AK5: variants seen among roughly 807,000 people sequenced by gnomAD.
AK5 encodes the protein adenylate kinase 5.
AK5 carries 27 observed loss-of-function variants against 69.5 expected under a neutral mutation model. The ratio of observed to expected loss-of-function variants is 0.39; its 90% confidence interval spans 0.29 to 0.54. AK5 has a LOEUF of 0.54. Among genes scored for constraint, AK5 ranks in the 20% least tolerant of loss-of-function variants. The pLI is 0.71. For missense variants in AK5, 531 were observed against 700.4 expected, an observed-to-expected ratio of 0.76 and a Z score of 2.73; for synonymous variants, 260 against 244.4, an observed-to-expected ratio of 1.06 and a Z score of -0.60.
chr1:77,381,815 G>T (rs1647654661), intron 6 of AK5, among the ~76,000 whole-genome samples: 1 of 152,140 alleles, frequency 6.6e-6, no homozygotes, highest in Admixed American at 6.5e-5. Flanking sequence ...TTATTTAAAA[G>T]TAACTAACAT....
intron 2 of AK5, among the ~76,000 whole-genome samples, chr1:77,289,862 CAAAAAAA>C (rs55819317): frequency 2.3e-4 from 15 of 64,714 alleles, no homozygotes; most frequent in Non-Finnish European, 4.1e-4. Flanking sequence ...GACTCCGTCT[CAAAAAAA>C]AAAAAAAAAA....
intron 8 of AK5, among the ~76,000 whole-genome samples, chr1:77,438,397 G>A (rs1188234724): frequency 6.6e-6 from 1 of 150,922 alleles, no homozygotes; most frequent in Non-Finnish European, 1.5e-5. Context: ...AAACCATGTA[G>A]CTGGCTGGAG....
At chr1:77,432,154 C>T (rs760420763) in intron 8 of AK5, among the ~76,000 whole-genome samples, 2 of 152,154 alleles carry the variant, frequency 1.3e-5, no homozygotes, top group South Asian at 4.1e-4. Flanking sequence ...ATAACTTTCA[C>T]ATTTCCCCCC....
chr1:77,329,669 A>G (rs1660987888), intron 5 of AK5, among the ~76,000 whole-genome samples: 1 of 152,234 alleles, frequency 6.6e-6, no homozygotes. Context: ...AAACTTTGTT[A>G]TCAAATCCAA....
intron 8 of AK5, among the ~76,000 whole-genome samples, chr1:77,470,862 TATA>T (rs1654451961): frequency 3.8e-4 from 1 of 2,650 alleles, no homozygotes; most frequent in African/African-American, 8.9e-4. Context: ...TATATATATA[TATA>T]TATATATATA....
At chr1:77,315,443 A>G (rs962594394) in intron 5 of AK5, among the ~76,000 whole-genome samples, 8 of 152,144 alleles carry the variant, frequency 5.3e-5, no homozygotes, top group African/African-American at 1.9e-4. Context: ...AGCAATTTAT[A>G]TTCTATTTTA....
At chr1:77,472,701 G>A (rs1240092713) in intron 8 of AK5, among the ~76,000 whole-genome samples, 1 of 151,982 alleles carries the variant, frequency 6.6e-6, no homozygotes, top group Admixed American at 6.6e-5. Context: ...TGGACAACAT[G>A]GTAAAATACC....
rs1303676949 is a variant in AK5, at chr1:77,539,413, C to T, written c.1620+3375C>T. Among the ~76,000 whole-genome samples the T allele has an allele frequency of 3.9e-5, 6 of 152,188 alleles. No individual in the cohort carries two copies. The South Asian group carries it at 6.2e-4, about 16-fold the overall frequency. On this transcript the variant is annotated intron_variant, in intron 13 of 13. Coordinates refer to ENST00000354567, the MANE Select transcript of AK5 (RefSeq NM_174858.3). ...CTCTCCAGCCCGGACTGCAGAGCAG[C>T]GTGAGCTTCAGCCTTCAGGACTCCC...
intron 7 of AK5, among the ~76,000 whole-genome samples, chr1:77,414,457 G>A (rs1650258424): frequency 6.6e-6 from 1 of 152,126 alleles, no homozygotes; most frequent in Non-Finnish European, 1.5e-5. Context: ...AGATCCACTA[G>A]GAGGAAAAAC....
At chr1:77,288,639 A>G (rs1399880221) in intron 2 of AK5, among the ~76,000 whole-genome samples, 1 of 152,166 alleles carries the variant, frequency 6.6e-6, no homozygotes, top group Non-Finnish European at 1.5e-5. Context: ...GTCCTTCACC[A>G]TTCATGCAGA....
At chr1:77,397,511 T>C (rs1648911445) in intron 6 of AK5, among the ~76,000 whole-genome samples, 1 of 152,166 alleles carries the variant, frequency 6.6e-6, no homozygotes, top group Non-Finnish European at 1.5e-5. Context: ...TACTTTACTA[T>C]CCAGAATGAT....
At chr1:77,431,928 A>G (rs1393727530) in intron 8 of AK5, among the ~76,000 whole-genome samples, 1 of 152,178 alleles carries the variant, frequency 6.6e-6, no homozygotes, top group Admixed American at 6.5e-5. Flanking sequence ...TGGAAAGGCA[A>G]TTGCTGGGCA....
chr1:77,434,135 A>G (rs1314359336), intron 8 of AK5, among the ~76,000 whole-genome samples: 2 of 150,782 alleles, frequency 1.3e-5, no homozygotes, highest in Non-Finnish European at 3.0e-5. Context: ...TAAATAAATA[A>G]ATAAATAAAT....
chr1:77,419,917 TA>T (rs987243371), intron 8 of AK5, among the ~76,000 whole-genome samples: 14 of 152,194 alleles, frequency 9.2e-5, no homozygotes, highest in African/African-American at 3.4e-4. Context: ...GATTTTTTTT[TA>T]ATCCTCATCT....
At chr1:77,472,291 G>A (rs1054162008) in intron 8 of AK5, among the ~76,000 whole-genome samples, 1 of 152,178 alleles carries the variant, frequency 6.6e-6, no homozygotes, top group Admixed American at 6.5e-5. Context: ...TAACGCATAG[G>A]GGATGCCTCC....
chr1:77,428,830 A>G (rs1235877849), intron 8 of AK5, among the ~76,000 whole-genome samples: 1 of 150,334 alleles, frequency 6.7e-6, no homozygotes, highest in Non-Finnish European at 1.5e-5. Flanking sequence ...TTCAATTCCC[A>G]CCTATGAGTG....
intron 5 of AK5, among the ~76,000 whole-genome samples, chr1:77,322,706 C>T (rs889686506): frequency 3.3e-5 from 5 of 150,624 alleles, no homozygotes; most frequent in Admixed American, 6.6e-5. Context: ...AGCTAAATTA[C>T]GCACCTTACT....
At chr1:77,539,344 C>T (rs1659150286) in intron 13 of AK5, among the ~76,000 whole-genome samples, 1 of 152,182 alleles carries the variant, frequency 6.6e-6, no homozygotes, top group African/African-American at 2.4e-5. Flanking sequence ...CTGCTGGGTG[C>T]GTGGTGAGGT....
chr1:77,335,924 G>T (rs1180317364), intron 5 of AK5, among the ~76,000 whole-genome samples: 1 of 152,244 alleles, frequency 6.6e-6, no homozygotes, highest in Non-Finnish European at 1.5e-5. Flanking sequence ...GTTCATAGCG[G>T]TCTTTTCTCT....
Sources: allele counts gnomAD v4.1 joint callset (sites outside exome capture counted in the v4.1 genomes callset), GRCh38; gene constraint gnomAD v4.1.1; transcripts MANE v1.5; gene names NCBI Gene and HGNC (gene_info 2026-07-23, HGNC 2026-07-21).